CRYBG1: variants seen among roughly 807,000 people sequenced by gnomAD.
The protein encoded by CRYBG1 is crystallin beta-gamma domain containing 1.
Under a neutral mutation model 189.2 loss-of-function variants are expected in CRYBG1, and 139 were observed. That is an observed-to-expected ratio of 0.73 (90% confidence interval 0.64 to 0.85). The LOEUF (loss-of-function observed/expected upper bound fraction) is 0.85. CRYBG1 is among the 40% of genes least tolerant of loss of function. CRYBG1 has a pLI of 0.00. For missense variants in CRYBG1, 2,611 were observed against 2,675.8 expected, an observed-to-expected ratio of 0.98 and a Z score of 0.53; for synonymous variants, 1,023 against 1,017.1, an observed-to-expected ratio of 1.01 and a Z score of -0.11.
intron 1 of CRYBG1, among the ~76,000 whole-genome samples, chr6:106,392,611 A>G (rs1770529426): frequency 5.9e-5 from 9 of 152,268 alleles, no homozygotes; most frequent in Non-Finnish European, 1.5e-5. Context: ...TAAATTAAAC[A>G]ATGTGTTTAT....
intron 2 of CRYBG1, among the ~76,000 whole-genome samples, chr6:106,482,192 A>G (rs528642042): frequency 4.2e-4 from 64 of 152,284 alleles, no homozygotes; most frequent in African/African-American, 1.5e-3. Flanking sequence ...TGTAGAACTC[A>G]TAGCAACTTG....
rs1045163281 is a variant in CRYBG1, at chr6:106,391,128, C to T, written c.173+30047C>T. Among the ~76,000 whole-genome samples the T allele has an allele frequency of 2.4e-4, 36 of 152,210 alleles. No individual in the cohort carries two copies. In the East Asian group the frequency reaches 5.4e-3, roughly 23 times the overall value. ...AGTCACCCAGGCTGGAGTGCACTGG[C>T]GTGATCTCGGCTCACTGGTTCAAGC... On this transcript the variant is annotated intron_variant, in intron 1 of 21. Coordinates refer to ENST00000633556, the MANE Select transcript of CRYBG1 (RefSeq NM_001371242.2).
At chr6:106,555,955 C>A in intron 17 of CRYBG1, 58 bp downstream of exon 17, 2 of 1,598,268 alleles carry the variant, frequency 1.3e-6, no homozygotes, top group South Asian at 1.1e-5. Flanking sequence ...AGCTGATGGT[C>A]AGAGTGAGGT....
rs145879986 is a variant in CRYBG1 at position 106,553,541 on chromosome 6, C to T, written c.5559C>T (p.Thr1853=). 5.1e-4 allele frequency: 820 copies of T among 1,613,002 alleles called. 8 individuals carry two copies. In the East Asian group the frequency reaches 0.012, roughly 24 times the overall value. Residue 1853 remains threonine (T), a synonymous_variant, in exon 16 of 22, where the codon ACC becomes ACT. Coordinates refer to ENST00000633556, the MANE Select transcript of CRYBG1 (RefSeq NM_001371242.2). ...GTCAAATTGATGATTCATTTTCTAC[C>T]AAGTCTTGCAGAGTTTCAGGAGGCA... The part of the protein sequence containing the change: ...TTSQIDDSFS[T]KSCRVSGGSW...
At chr6:106,405,373 A>G (rs1770801753) in intron 1 of CRYBG1, among the ~76,000 whole-genome samples, 1 of 152,248 alleles carries the variant, frequency 6.6e-6, no homozygotes, top group Non-Finnish European at 1.5e-5. Flanking sequence ...AAAGAAAGGC[A>G]GCAGCCCCAG....
chr6:106,470,348 C>G (rs1044594966), intron 2 of CRYBG1, among the ~76,000 whole-genome samples: 8 of 152,038 alleles, frequency 5.3e-5, no homozygotes, highest in Admixed American at 3.3e-4. Context: ...ACGAACAACC[C>G]TCAGCCTACC....
intron 1 of CRYBG1, among the ~76,000 whole-genome samples, chr6:106,441,251 T>C (rs1263285725): frequency 1.3e-5 from 2 of 151,826 alleles, no homozygotes; most frequent in African/African-American, 2.4e-5. Context: ...GAGGTTAGAG[T>C]GGTATTGGAA....
chr6:106,426,564 G>A (rs1160413651), intron 1 of CRYBG1, among the ~76,000 whole-genome samples: 3 of 152,084 alleles, frequency 2.0e-5, no homozygotes, highest in Non-Finnish European at 2.9e-5. Context: ...CCTAATTAAT[G>A]ACACTCTTTT....
chr6:106,365,456 A>AC (rs1019044772), intron 1 of CRYBG1, among the ~76,000 whole-genome samples: 1 of 150,276 alleles, frequency 6.7e-6, no homozygotes, highest in Admixed American at 6.6e-5. Flanking sequence ...AAAACCAAAA[A>AC]AAAAAAAACA....
intron 1 of CRYBG1, chr6:106,420,567 C>T (rs1771104898): frequency 6.6e-6 from 1 of 152,182 alleles, no homozygotes; most frequent in African/African-American, 2.4e-5. Flanking sequence ...GCTTAACTTC[C>T]CTTTGGCATA....
chr6:106,534,514 T>G (rs1037417514), intron 8 of CRYBG1, among the ~76,000 whole-genome samples: 9 of 152,214 alleles, frequency 5.9e-5, no homozygotes, highest in Non-Finnish European at 1.3e-4. Context: ...CTTCTGTTGA[T>G]GCACTGGTTC....
chr6:106,521,087 C>A lies in CRYBG1; in HGVS notation c.3879C>A (p.Pro1293=). ...AGCCCACGACTGAGGGTGCCCCGCC[C>A]TGTGGTTTGAACAAAGAACAGTCAA... ...VSQPTTEGAP[P]CGLNKEQSNL... Residue 1293 remains proline (P), a synonymous_variant, in exon 4 of 22, where the codon CCC becomes CCA. Transcript: ENST00000633556. The A allele has an allele frequency of 6.2e-7, 1 of 1,614,184 alleles. No individual in the cohort carries two copies. Among genetic ancestry groups the A allele is most frequent in the Non-Finnish European group, 8.5e-7 (1 of 1,180,040 alleles).
intron 1 of CRYBG1, among the ~76,000 whole-genome samples, chr6:106,377,617 G>GTA: frequency 2.7e-4 from 2 of 7,444 alleles, no homozygotes; most frequent in African/African-American, 9.7e-4. Flanking sequence ...TAAGTCCTAA[G>GTA]GTTTTATATA....
At chr6:106,375,785 C>G (rs1009558014) in intron 1 of CRYBG1, among the ~76,000 whole-genome samples, 1 of 152,140 alleles carries the variant, frequency 6.6e-6, no homozygotes, top group Non-Finnish European at 1.5e-5. Flanking sequence ...GAGTAGTTCC[C>G]CTTCACCCCT....
chr6:106,502,615 A>G (rs1176277380), intron 2 of CRYBG1, among the ~76,000 whole-genome samples: 2 of 152,226 alleles, frequency 1.3e-5, no homozygotes, highest in Admixed American at 1.3e-4. Flanking sequence ...TAGCTTTGTG[A>G]GAAAAAGAGA....
chr6:106,382,219 C>T (rs1770301885), intron 1 of CRYBG1, among the ~76,000 whole-genome samples: 2 of 152,208 alleles, frequency 1.3e-5, no homozygotes, highest in African/African-American at 4.8e-5. Context: ...GGCCTAATTG[C>T]TGGCTACATC....
At chr6:106,405,861 C>A (rs573224390) in intron 1 of CRYBG1, among the ~76,000 whole-genome samples, 2 of 152,250 alleles carry the variant, frequency 1.3e-5, no homozygotes, top group South Asian at 4.1e-4. Flanking sequence ...ACACAAAAAC[C>A]CCATCCAAAG....
chr6:106,561,154 C>G (rs1774706471), intron 19 of CRYBG1, among the ~76,000 whole-genome samples, 188 bp from the exon 20 acceptor site: 1 of 152,196 alleles, frequency 6.6e-6, no homozygotes, highest in Admixed American at 6.5e-5. Context: ...AGGCAGGCAC[C>G]CTGCCTCAGG....
intron 1 of CRYBG1, among the ~76,000 whole-genome samples, chr6:106,367,507 A>G (rs902151920): frequency 5.3e-5 from 8 of 150,488 alleles, no homozygotes; most frequent in Non-Finnish European, 1.2e-4. Context: ...GAATCACTTG[A>G]ACCAGGGAGT....
Sources: gnomAD v4.1 joint callset for allele counts (sites outside exome capture counted in the v4.1 genomes callset) on GRCh38, gnomAD v4.1.1 for gene constraint, MANE v1.5 for transcripts, NCBI Gene and HGNC (gene_info 2026-07-23, HGNC 2026-07-21) for gene names.